The following GCAT variants were observed in gnomAD, a reference collection of about 807,000 sequenced individuals.
The protein encoded by GCAT is 2-amino-3-ketobutyrate coenzyme A ligase, mitochondrial.
Under a neutral mutation model 39.7 loss-of-function variants are expected in GCAT, and 26 were observed. That is an observed-to-expected ratio of 0.65 (90% CI 0.48 to 0.91). The LOEUF (loss-of-function observed/expected upper bound fraction) is 0.91, where lower values mean the gene tolerates loss of function less well. Among genes scored for constraint, GCAT ranks in the 40% least tolerant of loss-of-function variants. The probability of loss-of-function intolerance (pLI) is 0.00; values close to 1 mark genes in which losing one functional copy is unlikely to be tolerated. For missense variants in GCAT, 550 were observed against 576.2 expected (o/e 0.95, Z 0.47); for synonymous variants, 218 against 237.2 (o/e 0.92, Z 0.74).
rs751994251 is a variant in GCAT at position 37,810,138 on chromosome 22, G to A, written c.308G>A (p.Arg103His). 4.3e-6 allele frequency: 7 copies of A among 1,613,000 alleles called. No homozygotes were observed. The highest frequency in any genetic ancestry group is 4.0e-5 in the African/African-American group (3 of 74,918). ...EEFGAGLSSV[R>H]FICGTQSIHK... ...TTTGGAGCTGGCCTCAGCTCTGTCCGCTTTATCTGTGGAACCCAGGTACAC... is the reference window on the plus strand; with the variant it reads ...TTTGGAGCTGGCCTCAGCTCTGTCCACTTTATCTGTGGAACCCAGGTACAC... Residue 103 changes from arginine to histidine, a missense_variant, in exon 2 of 9, where the codon CGC becomes CAC. Arg to His is a conservative substitution (Grantham distance 29). Coordinates refer to ENST00000248924, the MANE Select transcript of GCAT (RefSeq NM_014291.4).
intron 4 of GCAT, 115 bp from the exon 5 acceptor site, chr22:37,814,999 TACCTCTGTGCCC>T (rs1023052799): frequency 1.6e-4 from 126 of 810,080 alleles, no homozygotes; most frequent in Non-Finnish European, 2.3e-4. Context: ...AAGATGGTGG[TACCTCTGTGCCC>T]ACCTCTGTGC....
chr22:37,815,433 G>A lies in GCAT; in HGVS notation c.747G>A (p.Leu249=), dbSNP rs145211767. ...LGPTGRGTDE[L]LGVMDQVTII... The stretch of plus-strand genomic sequence containing the variant: ...TCCCTTGCAGGGGCACAGATGAGCT[G>A]CTGGGTGTGATGGACCAGGTCACCA... Residue 249 remains leucine (L), a synonymous_variant, in exon 6 of 9, where the codon CTG becomes CTA. Transcript: ENST00000248924. 11 of 1,610,600 alleles carry A rather than the reference G, an allele frequency of 6.8e-6. No individual in the cohort carries two copies. The African/African-American group carries it at 1.3e-4, about 20-fold the overall frequency.
intron 4 of GCAT, among the ~76,000 whole-genome samples, 156 bp downstream of exon 4, chr22:37,813,765 T>C (rs1285573730): frequency 6.6e-6 from 1 of 151,948 alleles, no homozygotes; most frequent in Non-Finnish European, 1.5e-5. Flanking sequence ...CAGAGCATTA[T>C]TCTTTTTTTT....
chr22:37,813,469 C>G lies in GCAT; in HGVS notation c.436C>G (p.Leu146Val), dbSNP rs750758530. 2 of 1,599,320 alleles carry G rather than the reference C, an allele frequency of 1.3e-6. No individual in the cohort carries two copies. The highest frequency in any genetic ancestry group is 1.7e-4 in the Middle Eastern group (1 of 6,042). ...DANAGLFEAL[L>V]TPEDAVLSDE... ...GCTCACTGCCTCCCTCCAGGCCCTG[C>G]TGACCCCAGAGGACGCAGTCCTGTC... is the stretch of plus-strand genomic sequence containing the variant. The change falls in exon 4 of 9, where the codon CTG (leucine) becomes GTG (valine). Residue 146 changes from leucine (L) to valine (V), a missense_variant. Leu to Val is a conservative substitution (Grantham distance 32). Coordinates refer to ENST00000248924, the MANE Select transcript of GCAT (RefSeq NM_014291.4).
chr22:37,809,820 A>T, intron 1 of GCAT: 1 of 217,958 alleles, frequency 4.6e-6, no homozygotes, highest in South Asian at 1.1e-4. Context: ...ACCCTGTCTC[A>T]AAAAAAAAAA....
At chr22:37,815,536 C>G in intron 6 of GCAT, 36 bp downstream of exon 6, 1 of 1,561,106 alleles carries the variant, frequency 6.4e-7, no homozygotes, top group Non-Finnish European at 8.8e-7. Flanking sequence ...GTCCCCTTGT[C>G]CTTTTGAAGG....
In GCAT at chr22:37,816,718, A is replaced by G; in HGVS notation, c.1260A>G (p.Ter420TrpextTer42). 1.2e-6 allele frequency: 2 copies of G among 1,613,666 alleles called. No individual in the cohort carries two copies. ...GGCGACTGCACGGGGCACTGCCCTG[A>G]GCTCTGGGTAAGGACGAGAAGAGCC... ...EVGRLHGALP[*>W] is the part of the protein sequence containing the mutation. Residue 420 changes from the stop codon to tryptophan, a stop_lost, in exon 9 of 9, where the codon TGA (stop) becomes TGG (tryptophan). Transcript: ENST00000248924.
chr22:37,811,690 T>C (rs1601696216), intron 2 of GCAT, among the ~76,000 whole-genome samples: 1 of 151,522 alleles, frequency 6.6e-6, no homozygotes, highest in Non-Finnish European at 1.5e-5. Context: ...CCAGGCACTT[T>C]GGGAGGCCGA....
At chr22:37,808,206 C>A in intron 1 of GCAT, 43 bp downstream of exon 1, 1 of 1,402,884 alleles carries the variant, frequency 7.1e-7, no homozygotes, top group Non-Finnish European at 9.4e-7. Context: ...CTTTCCCGAG[C>A]TTGCGCTGGA....
intron 1 of GCAT, chr22:37,809,799 G>A (rs1224791576): frequency 2.0e-5 from 12 of 609,432 alleles, no homozygotes; most frequent in African/African-American, 1.5e-4. Context: ...CAACCTGGGC[G>A]ACAGAGCTAG....
At chr22:37,814,857 T>C (rs1921980763) in intron 4 of GCAT, among the ~76,000 whole-genome samples, 1 of 152,220 alleles carries the variant, frequency 6.6e-6, no homozygotes, top group South Asian at 2.1e-4. Context: ...TGAGACCTGG[T>C]CCCAGCCTAG....
chr22:37,814,228 G>A (rs1017971818), intron 4 of GCAT, among the ~76,000 whole-genome samples: 1 of 152,122 alleles, frequency 6.6e-6, no homozygotes, highest in African/African-American at 2.4e-5. Context: ...AGTCTCCTGA[G>A]TAGCTGGGAC....
At position 37,810,022 on chromosome 22, in the gene GCAT, C is replaced by G; in HGVS notation, c.197-5C>G. 6.2e-7 allele frequency: 1 copy of G among 1,613,908 alleles called. No individual in the cohort carries two copies. Among genetic ancestry groups the G allele is most frequent in the Non-Finnish European group, 8.5e-7 (1 of 1,179,794 alleles). On this transcript the variant is annotated splice_region_variant and splice_polypyrimidine_tract_variant and intron_variant, in intron 1 of 8. Transcript: ENST00000248924. ...GCTGTATCCATCTCCTCTCCTTCAC[C>G]TCAGGAATCCTTAACTTCTGTGCCA...
intron 6 of GCAT, 42 bp from the exon 7 acceptor site, chr22:37,815,620 GC>G: frequency 6.6e-7 from 1 of 1,519,548 alleles, no homozygotes; most frequent in Non-Finnish European, 9.1e-7. Context: ...GTAGGCTCTG[GC>G]CCCTGACCAA....
At chr22:37,810,764 C>G (rs1030434314) in intron 2 of GCAT, among the ~76,000 whole-genome samples, 1 of 152,098 alleles carries the variant, frequency 6.6e-6, no homozygotes, top group Non-Finnish European at 1.5e-5. Context: ...ATCCACCCAC[C>G]TTGGCCTCCC....
chr22:37,811,396 G>A (rs926443520), intron 2 of GCAT, among the ~76,000 whole-genome samples: 4 of 148,326 alleles, frequency 2.7e-5, no homozygotes, highest in South Asian at 2.1e-4. Context: ...CAGGAGAATC[G>A]CTTGAACCTA....
chr22:37,815,310 G>T (rs1448312655), intron 5 of GCAT, 30 bp downstream of exon 5: 1 of 1,608,930 alleles, frequency 6.2e-7, no homozygotes, highest in Non-Finnish European at 8.5e-7. Flanking sequence ...GAGGCCTGGG[G>T]TGGGGCTTCT....
At position 37,816,292 on chromosome 22, in the gene GCAT, C is replaced by T; in HGVS notation, c.1079C>T (p.Ser360Phe). Residue 360 changes from serine (S) to phenylalanine (F), a missense_variant, in exon 8 of 9, where the codon TCT (serine) becomes TTT (phenylalanine). Ser to Phe is a radical substitution (Grantham distance 155). This residue lies in a region of GCAT where 378 missense variants were observed against 390.4 expected (regional missense o/e 0.97). Coordinates refer to ENST00000248924, the MANE Select transcript of GCAT (RefSeq NM_014291.4). ...PVMLGDARLA[S>F]RMADDMLKRG... ...ATGCTGGGTGATGCCCGGCTGGCCT[C>T]TCGCATGGCGGATGACATGCTGAAG... 6.2e-7 allele frequency: 1 copy of T among 1,612,584 alleles called. No homozygotes were observed. Among genetic ancestry groups the T allele is most frequent in the Non-Finnish European group, 8.5e-7 (1 of 1,180,022 alleles).
At chr22:37,809,877 C>G in intron 1 of GCAT, 150 bp from the exon 2 acceptor site, 2 of 964,764 alleles carry the variant, frequency 2.1e-6, no homozygotes, top group South Asian at 2.8e-5. Context: ...GACGCTCCTT[C>G]TGTAGCTGTT....
Sources: allele counts gnomAD v4.1 joint callset (sites outside exome capture counted in the v4.1 genomes callset), GRCh38; gene constraint gnomAD v4.1.1; regional missense constraint gnomAD v4.1.1; transcripts MANE v1.5; gene names NCBI Gene and HGNC (gene_info 2026-07-23, HGNC 2026-07-21).